CDH3: variants seen among roughly 807,000 people sequenced by gnomAD.
CDH3 encodes cadherin 3, also known as cadherin-3.
Under a neutral mutation model 82.0 loss-of-function variants are expected in CDH3, and 54 were observed. The observed-to-expected ratio is 0.66, with a 90% CI of 0.53 to 0.83. CDH3 has a LOEUF of 0.83. Ranked by LOEUF, CDH3 falls within the 40% of genes least tolerant of loss-of-function variation. The pLI is 0.00. For synonymous variants in CDH3, 446 were observed against 437.9 expected (o/e 1.02, Z -0.23); for missense variants, 1,054 against 1,084.6 (o/e 0.97, Z 0.40).
intron 2 of CDH3, among the ~76,000 whole-genome samples, chr16:68,654,380 ATTTTTTTTTTTTTTTTTTT>A (rs1176713669): frequency 4.7e-4 from 23 of 48,530 alleles, no homozygotes; most frequent in Admixed American, 1.3e-3. Flanking sequence ...TTTTAAATTA[ATTTTTTTTTTTTTTTTTTT>A]TTTTTTTTTT....
chr16:68,681,217 G>T, intron 8 of CDH3, 121 bp downstream of exon 8: 1 of 1,120,560 alleles, frequency 8.9e-7, no homozygotes, highest in Non-Finnish European at 1.3e-6. Flanking sequence ...ATGGCTGTGT[G>T]ACCTTAGGAA....
downstream of CDH3, among the ~76,000 whole-genome samples, chr16:68,702,887 CT>C (rs1231470778): frequency 6.6e-6 from 1 of 151,910 alleles, no homozygotes; most frequent in Non-Finnish European, 1.5e-5. Flanking sequence ...TGGAGGCTTA[CT>C]GGAAGAAGGG....
At chr16:68,647,556 T>C (rs1960111887) in intron 2 of CDH3, among the ~76,000 whole-genome samples, 1 of 152,182 alleles carries the variant, frequency 6.6e-6, no homozygotes, top group Non-Finnish European at 1.5e-5. Context: ...ACACCTGGGT[T>C]ATACAACAAA....
At chr16:68,684,186 G>A (rs1222276742) in intron 9 of CDH3, among the ~76,000 whole-genome samples, 1 of 151,898 alleles carries the variant, frequency 6.6e-6, no homozygotes, top group African/African-American at 2.4e-5. Context: ...GAGCCATAAT[G>A]AAGCCACTGC....
chr16:68,662,222 C>A (rs1374161357), intron 2 of CDH3, among the ~76,000 whole-genome samples: 2 of 152,068 alleles, frequency 1.3e-5, no homozygotes, highest in Non-Finnish European at 2.9e-5. Context: ...GTAGTGTGTG[C>A]AAAGGCCCTG....
chr16:68,701,534 A>G (rs1961893265), downstream of CDH3, among the ~76,000 whole-genome samples: 1 of 140,440 alleles, frequency 7.1e-6, no homozygotes, highest in Non-Finnish European at 1.5e-5. Context: ...TCTCCTGTGC[A>G]TTACACACAA....
Position 68,685,342 on chromosome 16 carries a change from T to C in CDH3, c.1562T>C (p.Met521Thr), listed in dbSNP as rs1244256228. 1.9e-6 allele frequency: 3 copies of C among 1,614,032 alleles called. No individual in the cohort carries two copies. The highest frequency in any genetic ancestry group is 2.2e-5 in the South Asian group (2 of 91,086). The part of the protein sequence containing the change: ...NNIYEVMVLA[M>T]DNGSPPTTGT... ...ATCTATGAAGTCATGGTCTTGGCCA[T>C]GGACAATGGTGAGAGCATCCTCCCA... The change falls in exon 11 of 16, where the codon ATG (methionine) becomes ACG (threonine). Residue 521 changes from methionine to threonine, a missense_variant. By Grantham distance (81) the Met-to-Thr change is moderately conservative. Coordinates refer to ENST00000264012, the MANE Select transcript of CDH3 (RefSeq NM_001793.6).
downstream of CDH3, among the ~76,000 whole-genome samples, chr16:68,704,361 A>G (rs948163480): frequency 1.8e-4 from 27 of 152,058 alleles, 1 homozygote; most frequent in Non-Finnish European, 1.5e-5. Flanking sequence ...GTGTGTTGTC[A>G]CTACTGTTGT....
At chr16:68,728,506 G>A (rs185652470), downstream of CDH3, among the ~76,000 whole-genome samples, 841 of 151,714 alleles carry the variant, frequency 5.5e-3, 9 homozygotes, top group Middle Eastern at 0.083. Context: ...AAGTTGGCCA[G>A]GCTGATCTCG....
chr16:68,668,804 C>T (rs982756175), intron 2 of CDH3, among the ~76,000 whole-genome samples: 10 of 152,102 alleles, frequency 6.6e-5, no homozygotes, highest in Admixed American at 6.6e-4. Flanking sequence ...AGAAAGAGGC[C>T]AGGATGTGGA....
At chr16:68,659,651 T>C (rs909632852) in intron 2 of CDH3, among the ~76,000 whole-genome samples, 2 of 151,068 alleles carry the variant, frequency 1.3e-5, no homozygotes, top group Non-Finnish European at 2.9e-5. Context: ...ACCACTGTAC[T>C]GTAGCCTGGG....
chr16:68,721,244 T>G (rs1378007227), intron 1 of CDH3, among the ~76,000 whole-genome samples: 1 of 149,042 alleles, frequency 6.7e-6, no homozygotes, highest in Non-Finnish European at 1.5e-5. Context: ...TTTTTTTTTT[T>G]TTTTTGAGAT....
chr16:68,716,620 C>CAAAAAAAAAA (rs563385107), intron 1 of CDH3, among the ~76,000 whole-genome samples: 2 of 103,170 alleles, frequency 1.9e-5, no homozygotes, highest in Middle Eastern at 6.0e-3. Flanking sequence ...GACTCCGGCT[C>CAAAAAAAAAA]AAAAAAAAAA....
intron 1 of CDH3, among the ~76,000 whole-genome samples, chr16:68,713,502 C>T (rs1190417716): frequency 6.6e-6 from 1 of 151,984 alleles, no homozygotes. Context: ...CTCCCCTGAC[C>T]TAGGCCAAAC....
chr16:68,662,582 C>A (rs1223619514), intron 2 of CDH3, among the ~76,000 whole-genome samples: 3 of 124,238 alleles, frequency 2.4e-5, no homozygotes, highest in Admixed American at 1.0e-4. Flanking sequence ...GAGTCTTGCT[C>A]TGTCGCCCAG....
intron 2 of CDH3, among the ~76,000 whole-genome samples, chr16:68,726,180 A>G (rs1005272174): frequency 6.6e-6 from 1 of 152,136 alleles, no homozygotes; most frequent in Non-Finnish European, 1.5e-5. Context: ...CTGCCATGAA[A>G]CTGGTCGTTC....
chr16:68,692,596 A>G (rs1203179086), intron 13 of CDH3, among the ~76,000 whole-genome samples: 1 of 152,124 alleles, frequency 6.6e-6, no homozygotes, highest in Non-Finnish European at 1.5e-5. Context: ...TAGGAATAGA[A>G]CCCAGTAATC....
chr16:68,682,201 A>C, intron 8 of CDH3, 101 bp from the exon 9 acceptor site: 2 of 1,306,548 alleles, frequency 1.5e-6, no homozygotes, highest in Non-Finnish European at 2.2e-6. Context: ...AGGAAAGGGT[A>C]AAGGCATGGG....
rs752252704 is a variant in CDH3 at position 68,691,709 on chromosome 16, G to A, written c.1796-11G>A. 10 of 1,609,068 alleles carry A rather than the reference G, an allele frequency of 6.2e-6. No homozygotes were observed. The highest frequency in any genetic ancestry group is 7.7e-6 in the Non-Finnish European group (9 of 1,175,480). On this transcript the variant is annotated splice_polypyrimidine_tract_variant and intron_variant, in intron 12 of 15. Coordinates refer to ENST00000264012, the MANE Select transcript of CDH3 (RefSeq NM_001793.6). ...GGTTCCCACAGCTAATCAATGATCTGTTCACTCCAGGTGACACAGTGGTCT... is the reference window on the plus strand; with the variant it reads ...GGTTCCCACAGCTAATCAATGATCTATTCACTCCAGGTGACACAGTGGTCT...
Sources: gnomAD v4.1 joint callset for allele counts (sites outside exome capture counted in the v4.1 genomes callset) on GRCh38, gnomAD v4.1.1 for gene constraint, MANE v1.5 for transcripts, NCBI Gene and HGNC (gene_info 2026-07-23, HGNC 2026-07-21) for gene names.